ADAMTSL1: variants seen among roughly 807,000 people sequenced by gnomAD.
ADAMTSL1 encodes ADAMTS-like protein 1.
Under a neutral mutation model 201.8 loss-of-function variants are expected in ADAMTSL1, and 126 were observed. The ratio of observed to expected loss-of-function variants is 0.62; its 90% CI spans 0.54 to 0.72. The LOEUF (loss-of-function observed/expected upper bound fraction) is 0.72, where lower values mean the gene tolerates loss of function less well. ADAMTSL1 is among the 30% of genes least tolerant of loss of function. ADAMTSL1 has a pLI of 0.00. For synonymous variants in ADAMTSL1, 1,121 were observed against 903.4 expected, an observed-to-expected ratio of 1.24 and a Z score of -4.32; for missense variants, 2,679 against 2,277.8, an observed-to-expected ratio of 1.18 and a Z score of -3.59.
chr9:18,122,048 C>G (rs1182555409), intron 1 of ADAMTSL1, among the ~76,000 whole-genome samples: 2 of 152,076 alleles, frequency 1.3e-5, no homozygotes, highest in Non-Finnish European at 2.9e-5. Context: ...GAAAATATGC[C>G]TTCCTTAGTA....
chr9:18,303,209 G>T (rs527790628), intron 2 of ADAMTSL1, among the ~76,000 whole-genome samples: 2 of 152,326 alleles, frequency 1.3e-5, no homozygotes, highest in African/African-American at 2.4e-5. Flanking sequence ...GAGTGTTCAT[G>T]TACAAAAGTA....
intron 2 of ADAMTSL1, among the ~76,000 whole-genome samples, chr9:18,300,271 C>A (rs987461376): frequency 6.6e-6 from 1 of 152,124 alleles, no homozygotes; most frequent in Non-Finnish European, 1.5e-5. Context: ...CCATGGAATA[C>A]TATGGAGCCA....
chr9:18,877,479 C>A (rs1399138226), intron 23 of ADAMTSL1, among the ~76,000 whole-genome samples: 2 of 152,120 alleles, frequency 1.3e-5, no homozygotes, highest in Admixed American at 1.3e-4. Flanking sequence ...GGGAGCTGAA[C>A]TGCAGTGATA....
intron 1 of ADAMTSL1, among the ~76,000 whole-genome samples, chr9:18,030,388 G>T (rs974759672): frequency 1.3e-5 from 2 of 151,906 alleles, no homozygotes; most frequent in Non-Finnish European, 2.9e-5. Flanking sequence ...CACACACCGG[G>T]GACTGTTGTG....
At chr9:18,034,178 G>A (rs1821095303) in intron 1 of ADAMTSL1, among the ~76,000 whole-genome samples, 1 of 152,000 alleles carries the variant, frequency 6.6e-6, no homozygotes, top group Admixed American at 6.6e-5. Context: ...CTAACCCCTT[G>A]ACTTAACACT....
intron 1 of ADAMTSL1, among the ~76,000 whole-genome samples, chr9:18,123,153 C>T (rs1461342547): frequency 1.3e-5 from 2 of 152,150 alleles, no homozygotes; most frequent in Admixed American, 1.3e-4. Flanking sequence ...TTAGGAAAAG[C>T]TGGCTTCAGG....
At chr9:18,812,967 CTT>C (rs35159482) in intron 20 of ADAMTSL1, among the ~76,000 whole-genome samples, 131 of 118,594 alleles carry the variant, frequency 1.1e-3, no homozygotes, top group Middle Eastern at 4.3e-3. Flanking sequence ...CAGCTATGTA[CTT>C]TTTTTTTTTT....
chr9:18,189,780 A>G lies in ADAMTSL1; in HGVS notation c.207+25799A>G, dbSNP rs146250839. 4.0e-3 allele frequency among the ~76,000 whole-genome samples: 612 copies of G among 152,234 alleles called. 3 individuals carry two copies. Among genetic ancestry groups the G allele is most frequent in the African/African-American group, 0.013 (560 of 41,548 alleles). On this transcript the variant is annotated intron_variant, in intron 2 of 29. Coordinates refer to the ADAMTSL1 transcript ENST00000680146. ...GTTTGGCAAGATATGTTTTTTTAAA[A>G]AAAACTCCTCAAGTTTCTTTCTTTT...
At chr9:18,153,919 T>C (rs1488427388) in intron 1 of ADAMTSL1, among the ~76,000 whole-genome samples, 1 of 152,028 alleles carries the variant, frequency 6.6e-6, no homozygotes, top group African/African-American at 2.4e-5. Context: ...TACACGGCTT[T>C]AATGTTTTCT....
chr9:18,119,287 T>G (rs1447520913), intron 1 of ADAMTSL1, among the ~76,000 whole-genome samples: 1 of 152,052 alleles, frequency 6.6e-6, no homozygotes, highest in Non-Finnish European at 1.5e-5. Context: ...CCTGAATATT[T>G]TTTTTTTATT....
At chr9:18,405,308 G>C (rs1008461646) in intron 2 of ADAMTSL1, among the ~76,000 whole-genome samples, 2 of 152,136 alleles carry the variant, frequency 1.3e-5, no homozygotes, top group African/African-American at 4.8e-5. Flanking sequence ...CTGCTGTGTT[G>C]TCTTCATTTA....
At chr9:18,673,749 T>C (rs1047276253) in intron 9 of ADAMTSL1, among the ~76,000 whole-genome samples, 1 of 152,206 alleles carries the variant, frequency 6.6e-6, no homozygotes, top group Non-Finnish European at 1.5e-5. Context: ...GGCAATGGTA[T>C]GCATTTCTGC....
intron 2 of ADAMTSL1, among the ~76,000 whole-genome samples, chr9:18,296,657 A>G (rs772301220): frequency 6.6e-6 from 1 of 152,230 alleles, no homozygotes; most frequent in African/African-American, 2.4e-5. Context: ...TATTTTTTAA[A>G]AGGGAATAGA....
chr9:18,459,287 A>G (rs1190485004), intron 2 of ADAMTSL1, among the ~76,000 whole-genome samples: 1 of 152,140 alleles, frequency 6.6e-6, no homozygotes, highest in African/African-American at 2.4e-5. Flanking sequence ...CCAGGAAATA[A>G]TACCTCATAA....
intron 1 of ADAMTSL1, among the ~76,000 whole-genome samples, chr9:17,990,020 A>G (rs761760364): frequency 1.3e-5 from 2 of 151,922 alleles, no homozygotes; most frequent in Non-Finnish European, 2.9e-5. Context: ...AGGGCAAAAC[A>G]AACATTGAAG....
chr9:18,155,594 A>T (rs1382705877), intron 1 of ADAMTSL1, among the ~76,000 whole-genome samples: 2 of 152,030 alleles, frequency 1.3e-5, no homozygotes, highest in African/African-American at 4.8e-5. Context: ...CATTAGTGTT[A>T]GTGTATTTTA....
At chr9:18,721,442 A>AG in intron 14 of ADAMTSL1, 94 bp from the exon 15 acceptor site, 1 of 1,532,170 alleles carries the variant, frequency 6.5e-7, no homozygotes, top group East Asian at 2.3e-5. Context: ...TACAGAACAC[A>AG]GGGACCTCCC....
intron 1 of ADAMTSL1, among the ~76,000 whole-genome samples, chr9:18,036,335 C>T (rs933026380): frequency 6.6e-6 from 1 of 152,190 alleles, no homozygotes; most frequent in Non-Finnish European, 1.5e-5. Context: ...CCCGTGGATT[C>T]TCCGTATACT....
chr9:18,642,186 C>T (rs1827487245), intron 7 of ADAMTSL1, among the ~76,000 whole-genome samples: 1 of 151,900 alleles, frequency 6.6e-6, no homozygotes, highest in Admixed American at 6.6e-5. Flanking sequence ...GAGAGCTATC[C>T]AACAGCTATC....
Sources: gnomAD v4.1 joint callset for allele counts (sites outside exome capture counted in the v4.1 genomes callset) on GRCh38, gnomAD v4.1.1 for gene constraint, MANE v1.5 for transcripts, NCBI Gene and HGNC (gene_info 2026-07-23, HGNC 2026-07-21) for gene names.